The following CNTNAP2 variants were observed in gnomAD, a reference collection of about 807,000 sequenced individuals.
The protein encoded by CNTNAP2 is contactin associated protein 2.
Under a neutral mutation model 155.2 loss-of-function variants are expected in CNTNAP2, and 98 were observed. The observed-to-expected ratio is 0.63, with a 90% CI of 0.54 to 0.75. The LOEUF (loss-of-function observed/expected upper bound fraction) is 0.75, where lower values mean the gene tolerates loss of function less well. Among genes scored for constraint, CNTNAP2 ranks in the 30% least tolerant of loss-of-function variants. The probability of loss-of-function intolerance (pLI) is 0.00; values close to 1 mark genes in which losing one functional copy is unlikely to be tolerated. For synonymous variants in CNTNAP2, 651 were observed against 631.2 expected (o/e 1.03, Z -0.47); for missense variants, 1,727 against 1,688.1 (o/e 1.02, Z -0.40).
At chr7:146,639,628 C>G (rs774328420) in intron 1 of CNTNAP2, among the ~76,000 whole-genome samples, 1 of 152,182 alleles carries the variant, frequency 6.6e-6, no homozygotes. Flanking sequence ...ATTTCCCAAC[C>G]CCTCCTCCAG....
At chr7:146,654,324 C>T (rs185604257) in intron 1 of CNTNAP2, among the ~76,000 whole-genome samples, 3 of 151,962 alleles carry the variant, frequency 2.0e-5, no homozygotes, top group East Asian at 3.9e-4. Context: ...GCGTAGGTCA[C>T]CTGTGTTTAC....
intron 1 of CNTNAP2, among the ~76,000 whole-genome samples, chr7:146,527,317 T>C (rs1343133808): frequency 6.6e-6 from 1 of 152,160 alleles, no homozygotes; most frequent in East Asian, 1.9e-4. Flanking sequence ...TTCCACTAAA[T>C]TGTGAACTCC....
At chr7:146,218,861 T>C (rs1799159919) in intron 1 of CNTNAP2, among the ~76,000 whole-genome samples, 2 of 152,178 alleles carry the variant, frequency 1.3e-5, no homozygotes, top group South Asian at 2.1e-4. Flanking sequence ...AGAGCCCTGA[T>C]GGAACTGGAT....
intron 21 of CNTNAP2, among the ~76,000 whole-genome samples, chr7:148,280,491 G>A (rs7787374): frequency 0.54 from 81,847 of 152,048 alleles, 23,628 homozygotes; most frequent in East Asian, 0.75. Context: ...ATATCCTGAT[G>A]GTGACACTGT....
At chr7:147,532,098 T>G (rs112288226) in intron 11 of CNTNAP2, among the ~76,000 whole-genome samples, 227 of 152,196 alleles carry the variant, frequency 1.5e-3, no homozygotes, top group African/African-American at 5.3e-3. Flanking sequence ...TGAGCCACCA[T>G]GCCCGGCCAG....
Position 147,019,397 on chromosome 7 carries a change from G to A in CNTNAP2, c.403-24510G>A, listed in dbSNP as rs374570844. On this transcript the variant is annotated intron_variant, in intron 3 of 23. Coordinates refer to ENST00000361727, the MANE Select transcript of CNTNAP2 (RefSeq NM_014141.6). ...TTTTCTCTAGATGTCTCCCAAGTTG[G>A]GAGTACTACCAAAATAATTCCCCAA... Among the ~76,000 whole-genome samples the A allele has an allele frequency of 2.3e-4, 35 of 151,878 alleles. 2 individuals carry two copies. The highest frequency in any genetic ancestry group is 1.5e-3 in the Admixed American group (23 of 15,236).
intron 3 of CNTNAP2, among the ~76,000 whole-genome samples, chr7:147,004,494 G>T (rs1798488473): frequency 6.6e-6 from 1 of 151,886 alleles, no homozygotes; most frequent in Non-Finnish European, 1.5e-5. Context: ...ACTTCTTATT[G>T]GCTATATAGG....
At chr7:147,345,612 G>A (rs1200446602) in intron 9 of CNTNAP2, among the ~76,000 whole-genome samples, 1 of 152,126 alleles carries the variant, frequency 6.6e-6, no homozygotes, top group African/African-American at 2.4e-5. Context: ...AAAACACTTG[G>A]CTAACATATG....
intron 15 of CNTNAP2, among the ~76,000 whole-genome samples, chr7:148,019,082 G>A (rs1323119849): frequency 1.3e-5 from 2 of 152,172 alleles, no homozygotes; most frequent in Non-Finnish European, 2.9e-5. Flanking sequence ...CAGCTATAGA[G>A]TTCAGCCCTG....
At chr7:146,533,871 C>T (rs1797807685) in intron 1 of CNTNAP2, among the ~76,000 whole-genome samples, 1 of 151,948 alleles carries the variant, frequency 6.6e-6, no homozygotes, top group Non-Finnish European at 1.5e-5. Context: ...TATTTCTTAA[C>T]AATTATTTAT....
rs373031251 is a variant in CNTNAP2 at position 146,530,415 on chromosome 7, G to GA, written c.98-243847dup. ...TAAACTAAAGATCTTTTATTCAGGG[G>GA]AAAAAAAAAGAGCAAAGTAAACAGA... is the stretch of plus-strand genomic sequence containing the variant. On this transcript the variant is annotated intron_variant, in intron 1 of 23. Transcript: ENST00000361727. Among the ~76,000 whole-genome samples the GA allele has an allele frequency of 8.4e-3, 1,263 of 150,176 alleles. 23 individuals carry two copies. The highest frequency in any genetic ancestry group is 0.029 in the African/African-American group (1,191 of 40,996).
At chr7:148,293,042 G>A (rs1443478808) in intron 21 of CNTNAP2, among the ~76,000 whole-genome samples, 2 of 150,468 alleles carry the variant, frequency 1.3e-5, no homozygotes, top group African/African-American at 2.4e-5. Flanking sequence ...GGAGCACAGC[G>A]CAGTTGTATA....
chr7:147,228,052 G>C (rs7794829), intron 8 of CNTNAP2, among the ~76,000 whole-genome samples: 1 of 152,128 alleles, frequency 6.6e-6, no homozygotes, highest in Non-Finnish European at 1.5e-5. Context: ...AAATAAAATC[G>C]TGTCAAGGAA....
chr7:147,163,759 G>A (rs975799811), intron 8 of CNTNAP2, among the ~76,000 whole-genome samples: 5 of 152,082 alleles, frequency 3.3e-5, no homozygotes, highest in Non-Finnish European at 7.4e-5. Context: ...CATGAGTTCT[G>A]GGATTTGTAA....
At chr7:147,237,846 T>C (rs765186334) in intron 8 of CNTNAP2, among the ~76,000 whole-genome samples, 1 of 152,214 alleles carries the variant, frequency 6.6e-6, no homozygotes, top group Non-Finnish European at 1.5e-5. Flanking sequence ...TCCCTGTTCA[T>C]TGAAACAGTC....
intron 1 of CNTNAP2, among the ~76,000 whole-genome samples, chr7:146,694,651 G>A (rs574314168): frequency 5.3e-5 from 8 of 152,150 alleles, no homozygotes; most frequent in African/African-American, 1.2e-4. Context: ...TGGAATTTTC[G>A]TTGAGATTGC....
intron 1 of CNTNAP2, among the ~76,000 whole-genome samples, chr7:146,153,576 G>A (rs1584775536): frequency 6.6e-6 from 1 of 152,130 alleles, no homozygotes; most frequent in East Asian, 1.9e-4. Context: ...ATCAGTACAA[G>A]GAAGAAATCT....
chr7:146,215,540 A>C (rs1355294581), intron 1 of CNTNAP2, among the ~76,000 whole-genome samples: 1 of 152,020 alleles, frequency 6.6e-6, no homozygotes, highest in Non-Finnish European at 1.5e-5. Context: ...AATTGATCAG[A>C]AATGCCATTC....
At chr7:147,444,527 T>TC (rs1563206286) in intron 10 of CNTNAP2, among the ~76,000 whole-genome samples, 2 of 144,770 alleles carry the variant, frequency 1.4e-5, no homozygotes, top group East Asian at 4.6e-4. Flanking sequence ...TAAATTTTCT[T>TC]TTTTTTTTTT....
Sources: gnomAD v4.1 joint callset for allele counts (sites outside exome capture counted in the v4.1 genomes callset) on GRCh38, gnomAD v4.1.1 for gene constraint, MANE v1.5 for transcripts, NCBI Gene and HGNC (gene_info 2026-07-23, HGNC 2026-07-21) for gene names.